REPS2: variants seen among roughly 807,000 people sequenced by gnomAD.
REPS2 encodes RALBP1 associated Eps domain containing 2.
REPS2 carries 23 observed loss-of-function variants against 53.6 expected under a neutral mutation model. The ratio of observed to expected loss-of-function variants is 0.43; its 90% confidence interval spans 0.31 to 0.61. REPS2 has a LOEUF of 0.61. REPS2 is among the 20% of genes least tolerant of loss of function. The probability of loss-of-function intolerance (pLI) is 0.11; values close to 1 mark genes in which losing one functional copy is unlikely to be tolerated. For missense variants in REPS2, 446 were observed against 534.9 expected (o/e 0.83, Z 1.64); for synonymous variants, 238 against 218.6 (o/e 1.09, Z -0.78).
chrX:17,134,740 C>G (rs1032054932), intron 15 of REPS2, among the ~76,000 whole-genome samples: 4 of 110,687 alleles, frequency 3.6e-5, no homozygotes, highest in Admixed American at 9.5e-5. Flanking sequence ...TCTCCTGCCT[C>G]AGCCTTCCGA....
chrX:17,028,300 A>AGC (rs1474839766), intron 4 of REPS2, among the ~76,000 whole-genome samples: 1 of 112,324 alleles, frequency 8.9e-6, no homozygotes, highest in Non-Finnish European at 1.9e-5. Flanking sequence ...CTTTTGGCAG[A>AGC]GCGCAATTGG....
chrX:17,046,588 C>CT (rs2147910745), intron 5 of REPS2, among the ~76,000 whole-genome samples: 1 of 112,128 alleles, frequency 8.9e-6, no homozygotes, highest in South Asian at 3.7e-4. Flanking sequence ...ACGCCTCCCC[C>CT]TAGCATCGAC....
At chrX:17,103,500 A>G (rs1466094673) in intron 13 of REPS2, among the ~76,000 whole-genome samples, 1 of 111,950 alleles carries the variant, frequency 8.9e-6, no homozygotes, top group Non-Finnish European at 1.9e-5. Context: ...CGTCTTAATC[A>G]TAACAGCCTA....
chrX:17,004,027 T>C (rs1259263964), intron 1 of REPS2, among the ~76,000 whole-genome samples: 4 of 111,796 alleles, frequency 3.6e-5, no homozygotes, highest in Non-Finnish European at 7.5e-5. Context: ...TTTCATCTCT[T>C]GCCTTCCACC....
intron 14 of REPS2, among the ~76,000 whole-genome samples, chrX:17,118,888 C>G (rs889234551): frequency 1.8e-5 from 2 of 112,007 alleles, no homozygotes; most frequent in African/African-American, 6.5e-5. Flanking sequence ...TATTCTACCC[C>G]CTAAAAGGGA....
rs756604831 is a variant in REPS2 at position 16,969,170 on chromosome X, C to T, written c.273+22036C>T. 1.9e-4 allele frequency among the ~76,000 whole-genome samples: 21 copies of T among 109,840 alleles called. No individual in the cohort carries two copies. The East Asian group carries it at 5.0e-3, about 26-fold the overall frequency. ...GCTCCTCACTTCCTAGATGGGATGGCGGCCGGGAAGAGGCGCTCCTCACTT... is the reference window on the plus strand; with the variant it reads ...GCTCCTCACTTCCTAGATGGGATGGTGGCCGGGAAGAGGCGCTCCTCACTT... On this transcript the variant is annotated intron_variant, in intron 1 of 17. Coordinates refer to ENST00000357277, the MANE Select transcript of REPS2 (RefSeq NM_004726.3).
chrX:17,009,761 G>T (rs991073335), intron 2 of REPS2, among the ~76,000 whole-genome samples: 3 of 111,306 alleles, frequency 2.7e-5, no homozygotes, highest in African/African-American at 9.8e-5. Context: ...ATACACAGCA[G>T]ATTATTCCAT....
At chrX:17,095,698 A>C (rs928450310) in intron 13 of REPS2, among the ~76,000 whole-genome samples, 8 of 111,524 alleles carry the variant, frequency 7.2e-5, no homozygotes, top group Non-Finnish European at 1.5e-4. Flanking sequence ...CAAAAACAGC[A>C]TGAAGAATAG....
chrX:17,029,251 A>G (rs1379139481), intron 4 of REPS2, among the ~76,000 whole-genome samples: 2 of 111,813 alleles, frequency 1.8e-5, no homozygotes, highest in East Asian at 5.6e-4. Flanking sequence ...TTCTATCCCA[A>G]TTGAAGTTCT....
chrX:16,947,270 C>G, intron 1 of REPS2, 136 bp downstream of exon 1: 1 of 869,433 alleles, frequency 1.2e-6, no homozygotes, highest in Non-Finnish European at 1.4e-6. Flanking sequence ...ACTCTGCAGC[C>G]GGGGATGGCG....
intron 5 of REPS2, among the ~76,000 whole-genome samples, chrX:17,036,413 T>C (rs1331190019): frequency 8.9e-6 from 1 of 112,344 alleles, no homozygotes; most frequent in Non-Finnish European, 1.9e-5. Flanking sequence ...GTGCCCCTTT[T>C]TCTTTTGAGT....
the REPS2 span, among the ~76,000 whole-genome samples, chrX:17,170,910 G>T: frequency 8.9e-6 from 1 of 112,895 alleles, no homozygotes; most frequent in Non-Finnish European, 1.9e-5. Context: ...TGTGACATTG[G>T]TTGGCTTGGC....
chrX:17,141,909 C>T (rs747466478), intron 17 of REPS2, among the ~76,000 whole-genome samples: 1 of 111,222 alleles, frequency 9.0e-6, no homozygotes, highest in South Asian at 3.7e-4. Context: ...CAAGCTAATC[C>T]CAAAACTTAT....
At chrX:17,114,871 A>G (rs1237927301) in intron 14 of REPS2, among the ~76,000 whole-genome samples, 1 of 112,274 alleles carries the variant, frequency 8.9e-6, no homozygotes, top group Non-Finnish European at 1.9e-5. Context: ...ATTTTTCCTC[A>G]GTATTTTGAA....
chrX:16,986,233 G>C (rs5924570), intron 1 of REPS2, among the ~76,000 whole-genome samples: 21,250 of 110,714 alleles, frequency 0.19, 2,007 homozygotes, highest in East Asian at 0.29. Context: ...GTTTTTATCT[G>C]TGCATCATGT....
chrX:17,127,242 A>G (rs2063225956), intron 14 of REPS2, among the ~76,000 whole-genome samples: 1 of 111,902 alleles, frequency 8.9e-6, no homozygotes, highest in Non-Finnish European at 1.9e-5. Context: ...CTTTTTCAGC[A>G]TTCGAATTAG....
chrX:16,992,649 G>A (rs1178375190), intron 1 of REPS2, among the ~76,000 whole-genome samples: 2 of 111,777 alleles, frequency 1.8e-5, no homozygotes, highest in Admixed American at 9.5e-5. Flanking sequence ...AGGACTGGGC[G>A]GTTTCCATGG....
At chrX:17,061,282 A>T (rs1348143140) in intron 8 of REPS2, among the ~76,000 whole-genome samples, 1 of 112,036 alleles carries the variant, frequency 8.9e-6, no homozygotes, top group Non-Finnish European at 1.9e-5. Context: ...TTTAAATTAG[A>T]TAGACACGTA....
Position 17,147,427 on chromosome X carries a change from A to G in REPS2, c.1929A>G (p.Glu643=). ...GTACAACTCAGGAGGTTCATCAAGA[A>G]CGAATTGCATTGGAAAACCAATTGG... ...LQQQLKEVHQ[E]RIALENQLEQ... is the part of the protein sequence containing the mutation. Residue 643 remains glutamate (E), a synonymous_variant, in exon 18 of 18, where the codon GAA becomes GAG. Transcript: ENST00000357277. The G allele has an allele frequency of 8.3e-7, 1 of 1,208,278 alleles. No homozygotes were observed. Among genetic ancestry groups the G allele is most frequent in the South Asian group, 1.8e-5 (1 of 56,494 alleles).
Sources: allele counts gnomAD v4.1 joint callset (sites outside exome capture counted in the v4.1 genomes callset), GRCh38; gene constraint gnomAD v4.1.1; transcripts MANE v1.5; gene names NCBI Gene and HGNC (gene_info 2026-07-23, HGNC 2026-07-21).